Variants in PRICKLE1 observed in about 807,000 individuals in gnomAD.
PRICKLE1 encodes the protein prickle-like protein 1.
In PRICKLE1, 14 loss-of-function variants were observed where a neutral mutation model predicts 70.2. The observed-to-expected ratio is 0.20, with a 90% confidence interval of 0.13 to 0.31. The LOEUF (loss-of-function observed/expected upper bound fraction) is 0.31, where lower values mean the gene tolerates loss of function less well. PRICKLE1 is among the 10% of genes least tolerant of loss of function. The pLI is 1.00. For synonymous variants in PRICKLE1, 357 were observed against 379.9 expected (o/e 0.94, Z 0.70); for missense variants, 821 against 1,026.2 (o/e 0.80, Z 2.73).
intron 1 of PRICKLE1, among the ~76,000 whole-genome samples, chr12:42,555,015 T>G (rs764714991): frequency 6.6e-6 from 1 of 152,036 alleles, no homozygotes; most frequent in Non-Finnish European, 1.5e-5. Flanking sequence ...AATACATAAA[T>G]TCTCAGGCCG....
intron 1 of PRICKLE1, among the ~76,000 whole-genome samples, chr12:42,562,395 A>G (rs973906418): frequency 3.8e-4 from 58 of 152,234 alleles, no homozygotes; most frequent in African/African-American, 1.3e-3. Context: ...ATTAATAAAC[A>G]TTTTTAAAAA....
Position 42,457,995 on chromosome 12 carries a change from G to A in PRICKLE1, c.*1814C>T, listed in dbSNP as rs566987905. 55 of 152,276 alleles carry A rather than the reference G, an allele frequency of 3.6e-4. 1 individual carries two copies. Among genetic ancestry groups the A allele is most frequent in the African/African-American group, 1.3e-3 (55 of 41,554 alleles). 9.4% of individuals were successfully genotyped at this position (152,276 alleles called of 1,614,324 possible). A position where few individuals can be genotyped will look rare whatever the true frequency, so the allele number is the denominator to read the frequency against. Reference sequence around the variant, plus strand: ...TGGTTTTTTAAAGGCACCAGACCAGGGAATGTAAGTTACTGAGTGAAGAAC... The same window carrying A: ...TGGTTTTTTAAAGGCACCAGACCAGAGAATGTAAGTTACTGAGTGAAGAAC... On this transcript the variant is annotated 3_prime_UTR_variant, in exon 8 of 8. Coordinates refer to ENST00000345127, the MANE Select transcript of PRICKLE1 (RefSeq NM_153026.3).
chr12:42,556,910 CTGCCCTGCCTT>C (rs1198431118), intron 1 of PRICKLE1, among the ~76,000 whole-genome samples: 2 of 152,198 alleles, frequency 1.3e-5, no homozygotes, highest in Non-Finnish European at 2.9e-5. Context: ...GAATAAGACA[CTGCCCTGCCTT>C]CAGAGTTTAT....
At chr12:42,535,595 G>A (rs2034614) in intron 1 of PRICKLE1, among the ~76,000 whole-genome samples, 35,036 of 152,032 alleles carry the variant, frequency 0.23, 4,289 homozygotes, top group South Asian at 0.29. Flanking sequence ...TTAGGGGCAG[G>A]CAGCCAACAG....
intron 1 of PRICKLE1, among the ~76,000 whole-genome samples, chr12:42,503,541 T>A (rs1424028542): frequency 6.6e-6 from 1 of 152,154 alleles, no homozygotes; most frequent in Non-Finnish European, 1.5e-5. Context: ...TACAGAATGA[T>A]CATGAGAGAT....
intron 1 of PRICKLE1, among the ~76,000 whole-genome samples, chr12:42,511,318 C>A (rs188646294): frequency 1.3e-5 from 2 of 152,174 alleles, no homozygotes; most frequent in Middle Eastern, 3.4e-3. Flanking sequence ...ATCCTTAGCA[C>A]GTAATTAGAG....
intron 1 of PRICKLE1, among the ~76,000 whole-genome samples, chr12:42,521,533 C>G (rs1053944824): frequency 2.0e-5 from 3 of 152,064 alleles, no homozygotes; most frequent in African/African-American, 7.2e-5. Flanking sequence ...AACCCTGTCT[C>G]TACAAAAATT....
Position 42,466,254 on chromosome 12 carries a change from A to G in PRICKLE1, c.715T>C (p.Cys239Arg). Residue 239 changes from cysteine (C) to arginine (R), a missense_variant, in exon 6 of 8, where the codon TGC becomes CGC. Transcript: ENST00000345127. ...TAGAGAGACTCAAAACAGCCACAGC[A>G]GAAGGGGCGGCCGTCCTTCATGATA... Reference protein sequence around the residue: ...RYIMKDGRPFCCGCFESLYAE... With the variant: ...RYIMKDGRPFRCGCFESLYAE... 6.2e-7 allele frequency: 1 copy of G among 1,614,236 alleles called. No individual in the cohort carries two copies. Among genetic ancestry groups the G allele is most frequent in the Non-Finnish European group, 8.5e-7 (1 of 1,180,048 alleles).
intron 1 of PRICKLE1, among the ~76,000 whole-genome samples, chr12:42,562,518 C>A (rs1940533828): frequency 1.3e-5 from 2 of 151,920 alleles, no homozygotes; most frequent in Admixed American, 1.3e-4. Context: ...AACACAGCAT[C>A]TCTGGAAGAG....
intron 1 of PRICKLE1, among the ~76,000 whole-genome samples, chr12:42,569,314 A>G (rs1234659984): frequency 5.3e-5 from 8 of 152,248 alleles, no homozygotes. Flanking sequence ...ATTAAAGTAC[A>G]TAATGCCCGT....
chr12:42,532,255 TA>T (rs1345597188), intron 1 of PRICKLE1, among the ~76,000 whole-genome samples: 8 of 152,338 alleles, frequency 5.3e-5, no homozygotes, highest in South Asian at 2.1e-4. Context: ...CAGAGATATG[TA>T]AAAAACATCT....
chr12:42,478,309 G>A (rs1322496106), intron 1 of PRICKLE1, among the ~76,000 whole-genome samples: 1 of 152,118 alleles, frequency 6.6e-6, no homozygotes, highest in Non-Finnish European at 1.5e-5. Flanking sequence ...AACCAATCCT[G>A]TGCTAAGTTT....
At position 42,495,400 on chromosome 12, in the gene PRICKLE1, A is replaced by AG. The variant is rs1279069697; in HGVS notation, c.-48-22837_-48-22836insC. On this transcript the variant is annotated intron_variant, in intron 1 of 7. Transcript: ENST00000345127. ...TGTCTCAAAAAAAAAAAAAAAAAAA[A>AG]AGAGAGAGAGAGAGAGAGGTGTTGC... Among the ~76,000 whole-genome samples the AG allele has an allele frequency of 2.0e-3, 279 of 136,474 alleles. 2 individuals are homozygous for AG. The highest frequency in any genetic ancestry group is 3.6e-3 in the Non-Finnish European group (236 of 65,906). 89.5% of individuals were successfully genotyped at this position (136,474 alleles called of 152,430 possible). A position where few individuals can be genotyped will look rare whatever the true frequency, so the allele number is the denominator to read the frequency against.
Position 42,464,924 on chromosome 12 carries a change from G to C in PRICKLE1, c.1110C>G (p.Thr370=). ...TCAGATCATCCAATTTTCGAGAAAG[G>C]GTGTCATCAGCATTGCCTGAGAGGC... ...FPGLSGNADD[T]LSRKLDDLSL... is the part of the protein sequence containing the mutation. The change falls in exon 7 of 8, where the codon ACC becomes ACG. Residue 370 remains threonine, a synonymous_variant. Transcript: ENST00000345127. The surrounding 1 kb of genome is among the most constrained non-coding windows in gnomAD (Gnocchi z 4.2). 1 of 1,614,108 alleles carries C rather than the reference G, an allele frequency of 6.2e-7. No individual in the cohort carries two copies. The highest frequency in any genetic ancestry group is 1.1e-5 in the South Asian group (1 of 91,078).
At chr12:42,536,183 T>C (rs1391423132) in intron 1 of PRICKLE1, among the ~76,000 whole-genome samples, 2 of 152,116 alleles carry the variant, frequency 1.3e-5, no homozygotes, top group Non-Finnish European at 2.9e-5. Flanking sequence ...GTAGTAGCAA[T>C]TATGGGCAGA....
intron 1 of PRICKLE1, among the ~76,000 whole-genome samples, chr12:42,566,341 G>A (rs974784272): frequency 1.3e-5 from 2 of 152,158 alleles, no homozygotes; most frequent in East Asian, 1.9e-4. Context: ...TGAATAACTC[G>A]GTGGTTGCTG....
At chr12:42,572,537 TA>T (rs1412926187) in intron 1 of PRICKLE1, among the ~76,000 whole-genome samples, 2 of 151,956 alleles carry the variant, frequency 1.3e-5, no homozygotes, top group African/African-American at 4.8e-5. Flanking sequence ...GAGAATGGCA[TA>T]AAAAAATAAA....
At chr12:42,545,775 G>A (rs919372971) in intron 1 of PRICKLE1, among the ~76,000 whole-genome samples, 7 of 151,908 alleles carry the variant, frequency 4.6e-5, no homozygotes, top group Non-Finnish European at 8.8e-5. Flanking sequence ...GCTTGAACTC[G>A]GTAGGCAAAG....
intron 1 of PRICKLE1, among the ~76,000 whole-genome samples, chr12:42,581,575 C>T (rs1392089443): frequency 1.3e-5 from 2 of 151,792 alleles, no homozygotes; most frequent in African/African-American, 2.4e-5. Context: ...GGTGAAACCC[C>T]GTCTCCACTA....
Sources: gnomAD v4.1 joint callset for allele counts (sites outside exome capture counted in the v4.1 genomes callset) on GRCh38, gnomAD v4.1.1 for gene constraint, Gnocchi (gnomAD v3.1) non-coding constraint, MANE v1.5 for transcripts, NCBI Gene and HGNC (gene_info 2026-07-23, HGNC 2026-07-21) for gene names.